RNF115: variants seen among roughly 807,000 people sequenced by gnomAD.
RNF115 encodes ring finger protein 115.
RNF115 carries 31 observed loss-of-function variants against 39.2 expected under a neutral mutation model. That is an observed-to-expected ratio of 0.79 (90% confidence interval 0.59 to 1.07). The LOEUF is 1.07. RNF115 is among the 50% of genes least tolerant of loss of function. The pLI is 0.00. For synonymous variants in RNF115, 124 were observed against 131.0 expected (o/e 0.95, Z 0.37); for missense variants, 384 against 381.7 (o/e 1.01, Z -0.05).
At chr1:145,822,776 TAG>T (rs1553724640) in intron 1 of RNF115, among the ~76,000 whole-genome samples, 1 of 133,524 alleles carries the variant, frequency 7.5e-6, no homozygotes, top group Non-Finnish European at 1.6e-5. Context: ...TTTGTTTTTG[TAG>T]AGAGGGGTCT....
intron 3 of RNF115, among the ~76,000 whole-genome samples, chr1:145,780,861 C>A (rs1648110570): frequency 1.3e-5 from 2 of 152,060 alleles, no homozygotes; most frequent in African/African-American, 2.4e-5. Context: ...CTGAAGCAAT[C>A]CATTCAGGTA....
chr1:145,762,687 A>T (rs1658581988), intron 4 of RNF115, among the ~76,000 whole-genome samples: 2 of 152,026 alleles, frequency 1.3e-5, no homozygotes, highest in Non-Finnish European at 2.9e-5. Flanking sequence ...ATAAGAAAAA[A>T]AAAAGTTAAC....
intron 1 of RNF115, among the ~76,000 whole-genome samples, chr1:145,808,004 G>T (rs1332119408): frequency 6.6e-6 from 1 of 152,012 alleles, no homozygotes; most frequent in Non-Finnish European, 1.5e-5. Context: ...CATCCATGTT[G>T]CTACAAATGG....
Position 145,746,746 on chromosome 1 carries a change from A to T in RNF115, c.*120T>A. 1 of 943,808 alleles carries T rather than the reference A, an allele frequency of 1.1e-6. No homozygotes were observed. Among genetic ancestry groups the T allele is most frequent in the Non-Finnish European group, 1.6e-6 (1 of 639,496 alleles). 58.5% of individuals were successfully genotyped at this position (943,808 alleles called of 1,614,324 possible). On this transcript the variant is annotated 3_prime_UTR_variant, in exon 9 of 9. Transcript: ENST00000582693. ...AAGAAGAAAAACATTCATTGCATTT[A>T]TATTATGTGTTGAGTTTCTTACATA...
chr1:145,764,010 C>A (rs2101501862), intron 4 of RNF115, among the ~76,000 whole-genome samples: 1 of 151,996 alleles, frequency 6.6e-6, no homozygotes. Context: ...CTGCAACCTC[C>A]CTGCCTGATT....
intron 1 of RNF115, among the ~76,000 whole-genome samples, chr1:145,810,714 T>G (rs1649655950): frequency 6.9e-6 from 1 of 145,584 alleles, no homozygotes; most frequent in Admixed American, 7.0e-5. Context: ...CAGGAAAGCA[T>G]AGGCAAGTCC....
chr1:145,767,992 T>TG (rs1647452450), intron 4 of RNF115, among the ~76,000 whole-genome samples: 3 of 151,474 alleles, frequency 2.0e-5, no homozygotes, highest in African/African-American at 7.3e-5. Context: ...AGGGAGACCG[T>TG]GGGGAGAGGG....
At chr1:145,801,442 G>A (rs1329868854) in intron 1 of RNF115, among the ~76,000 whole-genome samples, 2 of 152,084 alleles carry the variant, frequency 1.3e-5, no homozygotes, top group South Asian at 2.1e-4. Flanking sequence ...GCACATGCCT[G>A]TAATCCCAGC....
chr1:145,795,067 A>C (rs951095189), intron 1 of RNF115, among the ~76,000 whole-genome samples: 1 of 150,428 alleles, frequency 6.6e-6, no homozygotes, highest in Non-Finnish European at 1.5e-5. Context: ...GTTCCTTCAG[A>C]TGTTCAGATG....
At chr1:145,754,194 G>T (rs1399272182) in intron 4 of RNF115, among the ~76,000 whole-genome samples, 4 of 152,070 alleles carry the variant, frequency 2.6e-5, no homozygotes, top group Non-Finnish European at 5.9e-5. Context: ...GACAAAAATT[G>T]CATATATTAT....
chr1:145,747,928 G>T, intron 8 of RNF115, 67 bp downstream of exon 8: 1 of 1,027,878 alleles, frequency 9.7e-7, no homozygotes, highest in Non-Finnish European at 1.5e-6. Context: ...CTTGGATCTC[G>T]AGGAACTGTT....
At chr1:145,779,916 C>A (rs1046553960) in intron 3 of RNF115, among the ~76,000 whole-genome samples, 3 of 151,626 alleles carry the variant, frequency 2.0e-5, no homozygotes, top group Non-Finnish European at 2.9e-5. Context: ...GCATGCCCGG[C>A]CAATATTTCT....
intron 4 of RNF115, among the ~76,000 whole-genome samples, chr1:145,760,158 C>T (rs1658445056): frequency 6.6e-6 from 1 of 152,084 alleles, no homozygotes; most frequent in Admixed American, 6.6e-5. Context: ...TCTTATGGGG[C>T]CAGGCAGAGT....
chr1:145,791,077 G>C (rs1553718881), intron 1 of RNF115, among the ~76,000 whole-genome samples: 1 of 151,972 alleles, frequency 6.6e-6, no homozygotes, highest in African/African-American at 2.4e-5. Context: ...AGGAGGCAGA[G>C]GTCGCAGTGA....
chr1:145,754,351 G>GTTTTTTTTTTTTTTTTTTT (rs57910583), intron 4 of RNF115, among the ~76,000 whole-genome samples: 1 of 150,444 alleles, frequency 6.6e-6, no homozygotes, highest in Non-Finnish European at 1.5e-5. Flanking sequence ...AACACTGGTT[G>GTTTTTTTTTTTTTTTTTTT]TTTTTTTTTT....
At chr1:145,789,997 C>T (rs1648590242) in intron 1 of RNF115, among the ~76,000 whole-genome samples, 1 of 152,024 alleles carries the variant, frequency 6.6e-6, no homozygotes, top group South Asian at 2.1e-4. Context: ...CACGCCCAGT[C>T]CCGGCCTAGT....
At chr1:145,805,358 C>T in intron 1 of RNF115, among the ~76,000 whole-genome samples, 2 of 150,372 alleles carry the variant, frequency 1.3e-5, no homozygotes, top group South Asian at 4.2e-4. Flanking sequence ...AATGTAAATG[C>T]AACCTCAAAG....
At chr1:145,797,128 G>C (rs1649021161) in intron 1 of RNF115, among the ~76,000 whole-genome samples, 1 of 152,100 alleles carries the variant, frequency 6.6e-6, no homozygotes, top group Non-Finnish European at 1.5e-5. Flanking sequence ...GTGACCTCCT[G>C]CTTCCTGTTG....
chr1:145,802,432 C>T (rs964685584), intron 1 of RNF115, among the ~76,000 whole-genome samples: 1 of 152,172 alleles, frequency 6.6e-6, no homozygotes, highest in Admixed American at 6.5e-5. Context: ...TATCACAATA[C>T]GTGACACCTT....
Sources: allele counts gnomAD v4.1 joint callset (sites outside exome capture counted in the v4.1 genomes callset), GRCh38; gene constraint gnomAD v4.1.1; transcripts MANE v1.5; gene names NCBI Gene and HGNC (gene_info 2026-07-23, HGNC 2026-07-21).